The following ARMH4 variants were observed in gnomAD, a reference collection of about 807,000 sequenced individuals.
ARMH4 encodes the protein armadillo-like helical domain-containing protein 4.
In ARMH4, 49 loss-of-function variants were observed where a neutral mutation model predicts 61.9. That is an observed-to-expected ratio of 0.79 (90% CI 0.63 to 1.00). The LOEUF is 1.00. ARMH4 is among the 50% of genes least tolerant of loss of function. The probability of loss-of-function intolerance (pLI) is 0.00; values close to 1 mark genes in which losing one functional copy is unlikely to be tolerated. For synonymous variants in ARMH4, 368 were observed against 341.5 expected (o/e 1.08, Z -0.85); for missense variants, 934 against 930.0 (o/e 1.00, Z -0.06).
At chr14:58,059,121 T>C (rs1358769377) in intron 5 of ARMH4, among the ~76,000 whole-genome samples, 2 of 152,180 alleles carry the variant, frequency 1.3e-5, no homozygotes, top group African/African-American at 4.8e-5. Context: ...GCAGACAGTT[T>C]AAGGTTGAAC....
At chr14:58,014,958 G>A (rs779414526) in intron 5 of ARMH4, among the ~76,000 whole-genome samples, 4 of 152,178 alleles carry the variant, frequency 2.6e-5, no homozygotes, top group Non-Finnish European at 5.9e-5. Flanking sequence ...ATGTTAATAT[G>A]AGCACCTAGT....
intron 5 of ARMH4, among the ~76,000 whole-genome samples, chr14:58,057,377 T>C (rs181010891): frequency 6.6e-6 from 1 of 152,352 alleles, no homozygotes; most frequent in Non-Finnish European, 1.5e-5. Flanking sequence ...ATTAAATTAT[T>C]TAATCCTTAC....
chr14:58,005,280 G>C lies in ARMH4; in HGVS notation c.2122-98C>G. On this transcript the variant is annotated intron_variant, in intron 6 of 7. Transcript: ENST00000267485. ...ATGGCAGCAGGTTTTTAGACACTTTGAATTCTCCTGTCTGCTTTGTTGTAA... is the reference window on the plus strand; with the variant it reads ...ATGGCAGCAGGTTTTTAGACACTTTCAATTCTCCTGTCTGCTTTGTTGTAA... 1.4e-6 allele frequency: 2 copies of C among 1,453,312 alleles called. 1 individual carries two copies. The highest frequency in any genetic ancestry group is 2.4e-5 in the South Asian group (2 of 82,090). 90.0% of individuals were successfully genotyped at this position (1,453,312 alleles called of 1,614,324 possible). A position where few individuals can be genotyped will look rare whatever the true frequency, so the allele number is the denominator to read the frequency against.
chr14:58,136,292 A>C (rs1887298733), intron 2 of ARMH4, among the ~76,000 whole-genome samples: 1 of 152,176 alleles, frequency 6.6e-6, no homozygotes, highest in South Asian at 2.1e-4. Flanking sequence ...AGCTAATACA[A>C]GTTTAGTACA....
At chr14:58,080,077 A>G (rs539852536) in intron 5 of ARMH4, among the ~76,000 whole-genome samples, 154 of 151,902 alleles carry the variant, frequency 1.0e-3, no homozygotes, top group African/African-American at 3.1e-3. Flanking sequence ...AGACAAGGAG[A>G]TGAGGTGCCT....
At chr14:58,052,308 G>A (rs1390434516) in intron 5 of ARMH4, among the ~76,000 whole-genome samples, 1 of 152,092 alleles carries the variant, frequency 6.6e-6, no homozygotes, top group Non-Finnish European at 1.5e-5. Context: ...CAGTAGCTGG[G>A]TGCCAGCTCT....
intron 4 of ARMH4, among the ~76,000 whole-genome samples, chr14:58,124,139 C>A (rs1054389438): frequency 1.3e-5 from 2 of 152,170 alleles, no homozygotes; most frequent in Admixed American, 6.5e-5. Flanking sequence ...AATAGCCAGA[C>A]CATTATATAC....
At chr14:58,063,059 C>T (rs1260178242) in intron 5 of ARMH4, among the ~76,000 whole-genome samples, 1 of 152,174 alleles carries the variant, frequency 6.6e-6, no homozygotes. Flanking sequence ...GCCATGATCC[C>T]TACAGAGCCT....
At chr14:58,133,062 A>G (rs1480073406) in intron 3 of ARMH4, 28 bp downstream of exon 3, 6 of 1,611,314 alleles carry the variant, frequency 3.7e-6, no homozygotes, top group Admixed American at 1.7e-5. Flanking sequence ...CACCCCCAAA[A>G]CAGAGTCCAA....
intron 5 of ARMH4, among the ~76,000 whole-genome samples, chr14:58,084,937 G>A (rs1396421642): frequency 6.6e-6 from 1 of 152,204 alleles, no homozygotes; most frequent in Non-Finnish European, 1.5e-5. Context: ...TAAACAAGTT[G>A]ATTTCAACTT....
At chr14:58,023,222 G>C (rs1408958121) in intron 5 of ARMH4, among the ~76,000 whole-genome samples, 2 of 152,120 alleles carry the variant, frequency 1.3e-5, no homozygotes, top group South Asian at 2.1e-4. Flanking sequence ...TGCTGTTTGA[G>C]AGCATTTTAC....
intron 5 of ARMH4, among the ~76,000 whole-genome samples, chr14:58,051,846 C>T (rs1205696499): frequency 2.0e-5 from 3 of 152,134 alleles, no homozygotes; most frequent in Admixed American, 1.3e-4. Context: ...ATGCTGCTTC[C>T]CCAACTGAGT....
chr14:58,110,147 A>G (rs373747469), intron 4 of ARMH4, among the ~76,000 whole-genome samples: 9 of 152,178 alleles, frequency 5.9e-5, no homozygotes, highest in African/African-American at 2.2e-4. Flanking sequence ...TCAATAGCTT[A>G]AGGTGGAAGT....
intron 6 of ARMH4, among the ~76,000 whole-genome samples, chr14:58,005,984 C>T (rs1310611978): frequency 6.6e-6 from 1 of 152,144 alleles, no homozygotes; most frequent in African/African-American, 2.4e-5. Flanking sequence ...CAACACGATA[C>T]CTCCAAAAGA....
chr14:58,018,480 A>G (rs1327324848), intron 5 of ARMH4, among the ~76,000 whole-genome samples: 1 of 149,286 alleles, frequency 6.7e-6, no homozygotes, highest in East Asian at 2.0e-4. Context: ...AAAAAAAAAA[A>G]GACAAACTAA....
chr14:58,122,898 G>C (rs146863438), intron 4 of ARMH4, among the ~76,000 whole-genome samples: 1,790 of 152,196 alleles, frequency 0.012, 37 homozygotes, highest in African/African-American at 0.041. Context: ...CAGGACTGAG[G>C]GTGCCTGGGG....
At chr14:58,027,531 AAAATAATAT>A (rs1883062132) in intron 5 of ARMH4, among the ~76,000 whole-genome samples, 1 of 147,164 alleles carries the variant, frequency 6.8e-6, no homozygotes, top group Non-Finnish European at 1.5e-5. Flanking sequence ...TATCTCTGTT[AAAATAATAT>A]TTTTTTAAAG....
At chr14:58,041,943 A>C (rs1258973868) in intron 5 of ARMH4, among the ~76,000 whole-genome samples, 2 of 152,200 alleles carry the variant, frequency 1.3e-5, no homozygotes, top group African/African-American at 4.8e-5. Flanking sequence ...TAGATTCATA[A>C]AGCAAGTCCT....
chr14:58,004,671 T>TC lies in ARMH4; in HGVS notation c.*64dup. On this transcript the variant is annotated 3_prime_UTR_variant, in exon 8 of 8. Coordinates refer to ENST00000267485, the MANE Select transcript of ARMH4 (RefSeq NM_001001872.4). ...TGTGGCAGGTTGTTCTTTTTTTTTT[T>TC]CTGCTCCAAAATAAAAATTAGAATA... The TC allele has an allele frequency of 7.5e-7, 1 of 1,340,472 alleles. No individual in the cohort carries two copies. Among genetic ancestry groups the TC allele is most frequent in the East Asian group, 2.3e-5 (1 of 43,168 alleles). 83.0% of individuals were successfully genotyped at this position (1,340,472 alleles called of 1,614,324 possible).
Sources: gnomAD v4.1 joint callset for allele counts (sites outside exome capture counted in the v4.1 genomes callset) on GRCh38, gnomAD v4.1.1 for gene constraint, MANE v1.5 for transcripts, NCBI Gene and HGNC (gene_info 2026-07-23, HGNC 2026-07-21) for gene names.